The following SPRED3 variants were observed in gnomAD, a reference collection of about 807,000 sequenced individuals.
The protein encoded by SPRED3 is sprouty related EVH1 domain containing 3.
Under a neutral mutation model 37.6 loss-of-function variants are expected in SPRED3, and 23 were observed. The observed-to-expected ratio is 0.61, with a 90% CI of 0.44 to 0.87. The LOEUF is 0.87. SPRED3 is among the 40% of genes least tolerant of loss of function. The pLI, the probability that SPRED3 is intolerant of heterozygous loss-of-function variation, is 0.00. For missense variants in SPRED3, 584 were observed against 618.6 expected (o/e 0.94, Z 0.59); for synonymous variants, 302 against 279.6 (o/e 1.08, Z -0.80).
In SPRED3 at chr19:38,395,343, G is replaced by T. The variant is rs1970881460; in HGVS notation, c.568-137G>T. The T allele has an allele frequency of 1.3e-6, 1 of 795,588 alleles. No homozygotes were observed. The allele number at this position is 795,588 out of a possible 1,614,324, so 49.3% of individuals were successfully genotyped here. A position where few individuals can be genotyped will look rare whatever the true frequency, so the allele number is the denominator to read the frequency against. ...TCTGTCTGTCCCTGGAGAAAAGTGG[G>T]GATTGAGGGACCTTGGGAGAGAAGC... On this transcript the variant is annotated intron_variant, in intron 5 of 5. Coordinates refer to ENST00000691638, the MANE Select transcript of SPRED3 (RefSeq NM_001394336.1). The surrounding 1 kb of genome is among the most constrained non-coding windows in gnomAD (Gnocchi z 5.2).
rs1336333776 is a variant in SPRED3, at chr19:38,395,899, A to G, written c.987A>G (p.Leu329=). The change falls in exon 6 of 6, where the codon CTA becomes CTG. Residue 329 remains leucine (L), a synonymous_variant. Coordinates refer to ENST00000691638, the MANE Select transcript of SPRED3 (RefSeq NM_001394336.1). This position sits in a 1 kb window ranked among gnomAD's most constrained non-coding sequence, Gnocchi z 5.2. ...CGGGTCGCCTCCTGGTGCGCCGTCTAAGCTGCCTGTGGTGCGCCGAGAGCT... is the reference window on the plus strand; with the variant it reads ...CGGGTCGCCTCCTGGTGCGCCGTCTGAGCTGCCTGTGGTGCGCCGAGAGCT... The part of the protein sequence containing the change: ...PDPGRLLVRR[L]SCLWCAESLL... 3 of 1,507,602 alleles carry G rather than the reference A, an allele frequency of 2.0e-6. No individual in the cohort carries two copies. The highest frequency in any genetic ancestry group is 1.4e-5 in the African/African-American group (1 of 69,570). The allele number at this position is 1,507,602 out of a possible 1,614,324, so 93.4% of individuals were successfully genotyped here. A position where few individuals can be genotyped will look rare whatever the true frequency, so the allele number is the denominator to read the frequency against.
intron 4 of SPRED3, 72 bp downstream of exon 4, chr19:38,392,360 C>T: frequency 2.1e-6 from 3 of 1,430,384 alleles, no homozygotes; most frequent in South Asian, 1.5e-5. Flanking sequence ...CATTCTTGAG[C>T]ACCTACTGTG....
chr19:38,391,195 G>A (rs1396720683), intron 2 of SPRED3, among the ~76,000 whole-genome samples: 2 of 151,850 alleles, frequency 1.3e-5, no homozygotes, highest in Non-Finnish European at 2.9e-5. Context: ...AGTCTGATAA[G>A]ACTGTTTTGG....
chr19:38,391,059 T>G (rs943432329), intron 2 of SPRED3, among the ~76,000 whole-genome samples: 4 of 146,916 alleles, frequency 2.7e-5, no homozygotes, highest in Non-Finnish European at 4.5e-5. Flanking sequence ...GGGGGAAAGG[T>G]TTTTTTTTTG....
Position 38,390,764 on chromosome 19 carries a change from G to GCC in SPRED3, c.177+297_177+298dup, listed in dbSNP as rs57016544. Among the ~76,000 whole-genome samples, 217 of 62,378 alleles carry GCC rather than the reference G, an allele frequency of 3.5e-3. 1 individual carries two copies. The highest frequency in any genetic ancestry group is 0.019 in the South Asian group (26 of 1,352). The allele number at this position is 62,378 out of a possible 152,430, so 40.9% of individuals were successfully genotyped here. On this transcript the variant is annotated intron_variant, in intron 2 of 5. Transcript: ENST00000691638. ...CCCAGGCTGTTCCACAGGGGGCACT[G>GCC]CCCCCCCCCCCCCGCCCCGACTCAC...
chr19:38,395,857 C>T lies in SPRED3; in HGVS notation c.945C>T (p.Cys315=), dbSNP rs754996106. The T allele has an allele frequency of 2.0e-5, 29 of 1,480,510 alleles. No homozygotes were observed. The highest frequency in any genetic ancestry group is 3.6e-6 in the Non-Finnish European group (4 of 1,124,104). The allele number at this position is 1,480,510 out of a possible 1,614,324, so 91.7% of individuals were successfully genotyped here. A position where few individuals can be genotyped will look rare whatever the true frequency, so the allele number is the denominator to read the frequency against. ...GAGCAGACGGGCGTGGCGGCCGCTGCGCAGAGGCCCCGGACCCGGGTCGCC... is the reference window on the plus strand; with the variant it reads ...GAGCAGACGGGCGTGGCGGCCGCTGTGCAGAGGCCCCGGACCCGGGTCGCC... ...RRRADGRGGR[C]AEAPDPGRLL... is the part of the protein sequence containing the mutation. The change falls in exon 6 of 6, where the codon TGC becomes TGT. Residue 315 remains cysteine (C), a synonymous_variant. Transcript: ENST00000691638. This position sits in a 1 kb window ranked among gnomAD's most constrained non-coding sequence, Gnocchi z 5.2.
In SPRED3 at chr19:38,391,989, A is replaced by G; in HGVS notation, c.221A>G (p.Lys74Arg). Residue 74 changes from lysine to arginine, a missense_variant, in exon 3 of 6, where the codon AAG becomes AGG. Physicochemically the swap from Lys to Arg is conservative, Grantham distance 26. This residue lies in a region of SPRED3 where 88 missense variants were observed against 77.0 expected (regional missense o/e 1.14). Transcript: ENST00000691638. The part of the protein sequence containing the change: ...CTLKPGLVYN[K>R]VNPIFHHWSL... ...CTGAAGCCAGGCTTGGTTTACAACAAGGTGAATCCCATCTTTCACCACTGG... is the reference window on the plus strand; with the variant it reads ...CTGAAGCCAGGCTTGGTTTACAACAGGGTGAATCCCATCTTTCACCACTGG... The G allele has an allele frequency of 6.2e-7, 1 of 1,614,184 alleles. No individual in the cohort carries two copies. Among genetic ancestry groups the G allele is most frequent in the Non-Finnish European group, 8.5e-7 (1 of 1,180,032 alleles).
chr19:38,394,346 A>G lies in SPRED3; in HGVS notation c.424-297A>G, dbSNP rs768571597. On this transcript the variant is annotated intron_variant, in intron 4 of 5. Coordinates refer to ENST00000691638, the MANE Select transcript of SPRED3 (RefSeq NM_001394336.1). ...AGGAGAAGAGTCCCACAAAAATAAC[A>G]ATAACCATTTCCAGCTCTCCCAGTA... 8.4e-6 allele frequency: 13 copies of G among 1,544,584 alleles called. No individual in the cohort carries two copies. The South Asian group carries it at 1.2e-4, about 15-fold the overall frequency.
rs1970887721 is a variant in SPRED3, at chr19:38,395,735, C to T, written c.823C>T (p.Pro275Ser). Residue 275 changes from proline to serine, a missense_variant, in exon 6 of 6, where the codon CCC (proline) becomes TCC (serine). Pro to Ser is a moderately conservative substitution (Grantham distance 74). Around this residue, in one of 7 missense-constraint regions of SPRED3, gnomAD observed 310 missense variants for 281.1 expected, o/e 1.10. Coordinates refer to ENST00000691638, the MANE Select transcript of SPRED3 (RefSeq NM_001394336.1). The surrounding 1 kb of genome is among the most constrained non-coding windows in gnomAD (Gnocchi z 5.2). ...AAPPAPPARP[P>S]PGPGPSSAPA... ...GCCCCCAGCGCCCCCCGCTCGCCCA[C>T]CCCCCGGCCCGGGCCCATCCTCTGC... 6.9e-7 allele frequency: 1 copy of T among 1,452,862 alleles called. No individual in the cohort carries two copies. The highest frequency in any genetic ancestry group is 9.0e-7 in the Non-Finnish European group (1 of 1,113,582). The allele number at this position is 1,452,862 out of a possible 1,614,324, so 90.0% of individuals were successfully genotyped here.
Position 38,397,947 on chromosome 19 carries a change from C to T in SPRED3, c.*1802C>T, listed in dbSNP as rs74258643. ...CCAAGTAGGAGCTCCCTCACTGTCA[C>T]GTCTAGGACCCAGCATTGTCACAGA... On this transcript the variant is annotated 3_prime_UTR_variant, in exon 6 of 6. Coordinates refer to ENST00000691638, the MANE Select transcript of SPRED3 (RefSeq NM_001394336.1). 10,014 of 151,076 alleles carry T rather than the reference C, an allele frequency of 0.066. 552 individuals are homozygous for T. Among genetic ancestry groups the T allele is most frequent in the East Asian group, 0.28 (1,425 of 5,150 alleles). 9.4% of individuals were successfully genotyped at this position (151,076 alleles called of 1,614,324 possible).
chr19:38,394,497 T>G, intron 4 of SPRED3, 146 bp from the exon 5 acceptor site: 1 of 1,531,026 alleles, frequency 6.5e-7, no homozygotes, highest in Non-Finnish European at 9.0e-7. Context: ...TTGCCGGAGG[T>G]CACACAACCA....
Position 38,390,333 on chromosome 19 carries a change from C to G in SPRED3, c.31C>G (p.Arg11Gly). Reference sequence around the variant, plus strand: ...GCGGGTCCGAGCTGTGGTGATGGCCCGAGATGACTCCAGTGGGGGCTGGCT... The same window carrying G: ...GCGGGTCCGAGCTGTGGTGATGGCCGGAGATGACTCCAGTGGGGGCTGGCT... MVRVRAVVMA[R>G]DDSSGGWLPV... The change falls in exon 2 of 6, where the codon CGA (arginine) becomes GGA (glycine). Residue 11 changes from arginine to glycine, a missense_variant. By Grantham distance (125) the Arg-to-Gly change is moderately radical. Around this residue, in one of 7 missense-constraint regions of SPRED3, gnomAD observed 20 missense variants for 39.0 expected, o/e 0.51. Coordinates refer to ENST00000691638, the MANE Select transcript of SPRED3 (RefSeq NM_001394336.1). The G allele has an allele frequency of 7.3e-7, 1 of 1,365,362 alleles. No homozygotes were observed. The highest frequency in any genetic ancestry group is 9.5e-7 in the Non-Finnish European group (1 of 1,051,730). The allele number at this position is 1,365,362 out of a possible 1,614,324, so 84.6% of individuals were successfully genotyped here.
At chr19:38,390,506 G>C (rs1382814286) in intron 2 of SPRED3, 27 bp downstream of exon 2, 9 of 1,324,932 alleles carry the variant, frequency 6.8e-6, no homozygotes, top group Non-Finnish European at 8.7e-6. Flanking sequence ...CATGCGGGGA[G>C]GGTAGGGACC....
At position 38,395,641 on chromosome 19, in the gene SPRED3, G is replaced by C; in HGVS notation, c.729G>C (p.Lys243Asn). 2.0e-6 allele frequency: 3 copies of C among 1,534,332 alleles called. No homozygotes were observed. The highest frequency in any genetic ancestry group is 2.6e-6 in the Non-Finnish European group (3 of 1,150,392). Residue 243 changes from lysine to asparagine, a missense_variant, in exon 6 of 6, where the codon AAG (lysine) becomes AAC (asparagine). Transcript: ENST00000691638. The surrounding 1 kb of genome is among the most constrained non-coding windows in gnomAD (Gnocchi z 5.2). ...ALSTCVVRFA[K>N]TGALRGAALG... is the part of the protein sequence containing the mutation. ...CCACCTGCGTCGTGCGCTTCGCCAA[G>C]ACCGGCGCGTTGAGGGGCGCTGCCC... is the stretch of plus-strand genomic sequence containing the variant.
At chr19:38,390,507 G>T in intron 2 of SPRED3, 28 bp downstream of exon 2, 1 of 1,322,508 alleles carries the variant, frequency 7.6e-7, no homozygotes, top group South Asian at 2.2e-5. Context: ...ATGCGGGGAG[G>T]GTAGGGACCT....
chr19:38,388,972 G>C (rs1162897824), intron 1 of SPRED3, among the ~76,000 whole-genome samples, 165 bp downstream of exon 1: 3 of 152,228 alleles, frequency 2.0e-5, no homozygotes, highest in African/African-American at 7.2e-5. Flanking sequence ...AGCCATTCAG[G>C]GTACCAGTCT....
chr19:38,395,586 G>T lies in SPRED3; in HGVS notation c.674G>T (p.Arg225Leu), dbSNP rs1460891417. 1 of 1,551,820 alleles carries T rather than the reference G, an allele frequency of 6.4e-7. No homozygotes were observed. The highest frequency in any genetic ancestry group is 1.9e-5 in the Admixed American group (1 of 52,058). ...GGCCGCGGCTACGAGGATTACCGGC[G>T]CTCCGGGCCACCCGCGCCCCTCGCC... ...WGGRGYEDYRRSGPPAPLALS... is the reference protein window; with the variant it reads ...WGGRGYEDYRLSGPPAPLALS... Residue 225 changes from arginine to leucine, a missense_variant, in exon 6 of 6, where the codon CGC (arginine) becomes CTC (leucine). By Grantham distance (102) the Arg-to-Leu change is moderately radical. Transcript: ENST00000691638. The surrounding 1 kb of genome is among the most constrained non-coding windows in gnomAD (Gnocchi z 5.2).
At position 38,394,757 on chromosome 19, in the gene SPRED3, C is replaced by G. The variant is rs142553701; in HGVS notation, c.538C>G (p.Pro180Ala). ...ESASGFGPTTPPQRRRSSAQS... is the reference protein window; with the variant it reads ...ESASGFGPTTAPQRRRSSAQS... ...AGCTTCAGGCTTCGGGCCGACCACG[C>G]CCCCCCAGCGCCGCCGCTCCTCCGC... Residue 180 changes from proline (P) to alanine (A), a missense_variant, in exon 5 of 6, where the codon CCC becomes GCC. By Grantham distance (27) the Pro-to-Ala change is conservative. Around this residue, in one of 7 missense-constraint regions of SPRED3, gnomAD observed 310 missense variants for 281.1 expected, o/e 1.10. Coordinates refer to ENST00000691638, the MANE Select transcript of SPRED3 (RefSeq NM_001394336.1). 9.5e-6 allele frequency: 15 copies of G among 1,575,856 alleles called. No individual in the cohort carries two copies. The Admixed American group carries it at 2.8e-4, about 29-fold the overall frequency.
Position 38,394,665 on chromosome 19 carries a change from C to T in SPRED3, c.446C>T (p.Ser149Phe), listed in dbSNP as rs1970871519. ...PLTSHVDSDS[S>F]SSHSRQETPP... ...CAGTCCCACGTGGACAGCGACTCCT[C>T]CTCCAGTCACAGCCGCCAGGAGACT... The change falls in exon 5 of 6, where the codon TCC becomes TTC. Residue 149 changes from serine (S) to phenylalanine (F), a missense_variant. Ser to Phe is a radical substitution (Grantham distance 155). Coordinates refer to ENST00000691638, the MANE Select transcript of SPRED3 (RefSeq NM_001394336.1). 1.3e-6 allele frequency: 2 copies of T among 1,598,462 alleles called. No individual in the cohort carries two copies. Among genetic ancestry groups the T allele is most frequent in the Non-Finnish European group, 8.5e-7 (1 of 1,176,258 alleles).
Sources: gnomAD v4.1 joint callset for allele counts (sites outside exome capture counted in the v4.1 genomes callset) on GRCh38, gnomAD v4.1.1 for gene constraint, gnomAD v4.1.1 regional missense constraint, Gnocchi (gnomAD v3.1) non-coding constraint, MANE v1.5 for transcripts, NCBI Gene and HGNC (gene_info 2026-07-23, HGNC 2026-07-21) for gene names.